SYCP1: variants seen among roughly 807,000 people sequenced by gnomAD.
SYCP1 encodes synaptonemal complex protein 1, also known as cancer/testis antigen 8.
SYCP1 carries 64 observed loss-of-function variants against 153.1 expected under a neutral mutation model. That is an observed-to-expected ratio of 0.42 (90% confidence interval 0.34 to 0.51). The LOEUF is 0.51. SYCP1 is among the 20% of genes least tolerant of loss of function. The probability of loss-of-function intolerance (pLI) is 0.06; values close to 1 mark genes in which losing one functional copy is unlikely to be tolerated. For synonymous variants in SYCP1, 384 were observed against 341.8 expected (o/e 1.12, Z -1.36); for missense variants, 997 against 1,049.0 (o/e 0.95, Z 0.68).
intron 23 of SYCP1, among the ~76,000 whole-genome samples, chr1:114,935,320 G>A (rs1345274521): frequency 5.3e-5 from 7 of 132,956 alleles, no homozygotes; most frequent in Non-Finnish European, 5.2e-5. Flanking sequence ...GGTACATAAC[G>A]AAATGAAGGC....
intron 8 of SYCP1, among the ~76,000 whole-genome samples, chr1:114,863,546 C>T (rs995699392): frequency 1.3e-5 from 2 of 151,408 alleles, no homozygotes; most frequent in Non-Finnish European, 2.9e-5. Context: ...AGCAAGAGCC[C>T]GTCTCAAAAA....
intron 27 of SYCP1, among the ~76,000 whole-genome samples, chr1:114,962,348 G>A (rs550598711): frequency 3.7e-4 from 56 of 152,164 alleles, no homozygotes; most frequent in African/African-American, 1.3e-3. Flanking sequence ...ACCAGTGTTA[G>A]GTGCATATAT....
At chr1:114,972,698 T>C (rs1672572375) in intron 27 of SYCP1, among the ~76,000 whole-genome samples, 1 of 152,166 alleles carries the variant, frequency 6.6e-6, no homozygotes, top group Non-Finnish European at 1.5e-5. Context: ...TTCCATGTGA[T>C]TTTATAGTTT....
At chr1:114,862,670 A>C (rs1336139595) in intron 8 of SYCP1, among the ~76,000 whole-genome samples, 1 of 152,186 alleles carries the variant, frequency 6.6e-6, no homozygotes, top group Non-Finnish European at 1.5e-5. Flanking sequence ...TTTTCAGCTA[A>C]GTTAGAAATC....
chr1:114,873,144 C>T (rs949554193), intron 8 of SYCP1, among the ~76,000 whole-genome samples: 1 of 152,142 alleles, frequency 6.6e-6, no homozygotes, highest in East Asian at 1.9e-4. Context: ...ACATCCTTAA[C>T]TGTATCAGAG....
upstream of SYCP1, among the ~76,000 whole-genome samples, chr1:114,854,119 C>T (rs375998957): frequency 1.2e-4 from 18 of 151,988 alleles, no homozygotes; most frequent in East Asian, 3.5e-3. Flanking sequence ...CGTTTCCTCC[C>T]TCTGCCTCCT....
intron 12 of SYCP1, among the ~76,000 whole-genome samples, chr1:114,881,072 C>T (rs960750506): frequency 2.6e-5 from 4 of 151,436 alleles, no homozygotes; most frequent in Non-Finnish European, 5.9e-5. Context: ...CACACACACA[C>T]ACACACACAC....
In SYCP1 at chr1:114,895,519, G is replaced by A; in HGVS notation, c.1320+10G>A. ...ATTGAAAAAAGTCTTGGTAAGTATA[G>A]TCTTTCCTATTAATATATAGCAATT... On this transcript the variant is annotated intron_variant, in intron 16 of 31. Transcript: ENST00000369522. 1 of 1,416,376 alleles carries A rather than the reference G, an allele frequency of 7.1e-7. No individual in the cohort carries two copies. Among genetic ancestry groups the A allele is most frequent in the Middle Eastern group, 1.8e-4 (1 of 5,432 alleles). The allele number at this position is 1,416,376 out of a possible 1,614,324, so 87.7% of individuals were successfully genotyped here. A position where few individuals can be genotyped will look rare whatever the true frequency, so the allele number is the denominator to read the frequency against.
chr1:114,962,033 A>C (rs956745608), intron 27 of SYCP1, among the ~76,000 whole-genome samples: 38 of 143,270 alleles, frequency 2.7e-4, no homozygotes, highest in Non-Finnish European at 4.8e-4. Flanking sequence ...GCTGGAGTGC[A>C]GTGACACAAT....
chr1:114,967,766 C>T (rs182810103), intron 27 of SYCP1, among the ~76,000 whole-genome samples: 295 of 152,300 alleles, frequency 1.9e-3, no homozygotes, highest in Non-Finnish European at 3.3e-3. Context: ...GATGCAGTTT[C>T]TTCATAGTGT....
chr1:114,907,032 A>G (rs1485783237), intron 16 of SYCP1, among the ~76,000 whole-genome samples: 1 of 152,124 alleles, frequency 6.6e-6, no homozygotes, highest in Non-Finnish European at 1.5e-5. Context: ...ATTTATATCT[A>G]ACTACCATAT....
chr1:114,922,736 C>G (rs1668980591), intron 20 of SYCP1, among the ~76,000 whole-genome samples: 1 of 152,088 alleles, frequency 6.6e-6, no homozygotes, highest in South Asian at 2.1e-4. Context: ...TTTTCACATT[C>G]CTAAATACAA....
chr1:114,858,416 T>C (rs1345841679), intron 5 of SYCP1, 131 bp from the exon 6 acceptor site: 1 of 616,652 alleles, frequency 1.6e-6, no homozygotes, highest in Admixed American at 3.5e-5. Flanking sequence ...TGGCTTTCAG[T>C]ATGCTATTAG....
intron 29 of SYCP1, among the ~76,000 whole-genome samples, chr1:114,983,799 T>A (rs930570626): frequency 6.6e-6 from 1 of 152,096 alleles, no homozygotes; most frequent in African/African-American, 2.4e-5. Context: ...AAAAAACTGA[T>A]TCCGACAAGT....
chr1:114,911,604 A>G, intron 18 of SYCP1, 22 bp downstream of exon 18: 1 of 1,371,228 alleles, frequency 7.3e-7, no homozygotes, highest in Non-Finnish European at 9.7e-7. Flanking sequence ...ATTTATCTAA[A>G]AATAGTTTAT....
chr1:114,986,329 A>G (rs1003211887), intron 30 of SYCP1, among the ~76,000 whole-genome samples: 3 of 152,052 alleles, frequency 2.0e-5, no homozygotes, highest in Admixed American at 2.0e-4. Flanking sequence ...TAGTCCAGAT[A>G]TATAAAAATG....
intron 8 of SYCP1, among the ~76,000 whole-genome samples, chr1:114,868,455 A>G (rs1338698908): frequency 6.6e-6 from 1 of 151,904 alleles, no homozygotes; most frequent in Non-Finnish European, 1.5e-5. Flanking sequence ...CTCCTTTTAT[A>G]TATTGTTGGA....
chr1:114,884,806 C>T (rs1666187604), intron 12 of SYCP1, among the ~76,000 whole-genome samples: 1 of 152,006 alleles, frequency 6.6e-6, no homozygotes. Flanking sequence ...ATGCCCGAGG[C>T]CAGGTAGCTT....
intron 27 of SYCP1, among the ~76,000 whole-genome samples, chr1:114,973,424 G>A (rs972459161): frequency 2.0e-5 from 3 of 151,784 alleles, no homozygotes; most frequent in African/African-American, 7.3e-5. Context: ...TCTTTTTCCT[G>A]GATTGCCTAT....
Sources: gnomAD v4.1 joint callset for allele counts (sites outside exome capture counted in the v4.1 genomes callset) on GRCh38, gnomAD v4.1.1 for gene constraint, MANE v1.5 for transcripts, NCBI Gene and HGNC (gene_info 2026-07-23, HGNC 2026-07-21) for gene names.